The following VCAN variants were observed in gnomAD, a reference collection of about 807,000 sequenced individuals.
The protein encoded by VCAN is versican core protein.
A neutral mutation model predicts 245.5 loss-of-function variants in VCAN; 44 were observed. The observed-to-expected ratio is 0.18, with a 90% CI of 0.14 to 0.23. The LOEUF (loss-of-function observed/expected upper bound fraction) is 0.23, where lower values mean the gene tolerates loss of function less well. Among genes scored for constraint, VCAN ranks in the 10% least tolerant of loss-of-function variants. VCAN has a pLI of 1.00. For synonymous variants in VCAN, 1,413 were observed against 1,437.0 expected, an observed-to-expected ratio of 0.98 and a Z score of 0.38; for missense variants, 3,793 against 4,057.9, an observed-to-expected ratio of 0.93 and a Z score of 1.77.
chr5:83,541,532 C>T lies in VCAN; in HGVS notation c.8529C>T (p.Ile2843=). ...SGSEASGHTE[I]PQPSALPGID... ...GTGAAGCCTCTGGACACACAGAGAT[C>T]CCCCAGCCCAGTGCTCTGCCAGGAA... The change falls in exon 8 of 15, where the codon ATC becomes ATT. Residue 2843 remains isoleucine, a synonymous_variant. Coordinates refer to ENST00000265077, the MANE Select transcript of VCAN (RefSeq NM_004385.5). 6.2e-7 allele frequency: 1 copy of T among 1,613,928 alleles called. No individual in the cohort carries two copies. Among genetic ancestry groups the T allele is most frequent in the Admixed American group, 1.7e-5 (1 of 60,004 alleles).
rs756687724 is a variant in VCAN at position 83,537,040 on chromosome 5, C to T, written c.4037C>T (p.Pro1346Leu). The change falls in exon 8 of 15, where the codon CCA becomes CTA. Residue 1346 changes from proline to leucine, a missense_variant. Pro to Leu is a moderately conservative substitution (Grantham distance 98). Coordinates refer to ENST00000265077, the MANE Select transcript of VCAN (RefSeq NM_004385.5). The stretch of plus-strand genomic sequence containing the variant: ...AGTGATTTGAGTGTAATTGGTCATC[C>T]AATAGATTCAGAATCTAAAGAAGAT... ...RMSDLSVIGH[P>L]IDSESKEDEP... 5 of 1,607,692 alleles carry T rather than the reference C, an allele frequency of 3.1e-6. No homozygotes were observed. In the South Asian group the frequency reaches 4.5e-5, roughly 14 times the overall value.
chr5:83,579,580 T>C (rs1051182592), intron 13 of VCAN, among the ~76,000 whole-genome samples: 2 of 152,238 alleles, frequency 1.3e-5, no homozygotes, highest in South Asian at 4.2e-4. Context: ...TGTACGTTTT[T>C]ATAAGGAGGT....
chr5:83,553,311 C>G, intron 10 of VCAN, 53 bp from the exon 11 acceptor site: 1 of 1,611,242 alleles, frequency 6.2e-7, no homozygotes. Context: ...TTGGGGGTGC[C>G]AAGTTTGAAT....
At position 83,536,994 on chromosome 5, in the gene VCAN, C is replaced by A; in HGVS notation, c.4004-13C>A. On this transcript the variant is annotated splice_polypyrimidine_tract_variant and intron_variant, in intron 7 of 14. Transcript: ENST00000265077. The stretch of plus-strand genomic sequence containing the variant: ...TTTCTATTTAAGTATTGTGAAAACT[C>A]TGTTTTTTTCAGGTCGAATGAGTGA... 1 of 1,564,826 alleles carries A rather than the reference C, an allele frequency of 6.4e-7. No individual in the cohort carries two copies. The highest frequency in any genetic ancestry group is 1.2e-5 in the South Asian group (1 of 81,566).
chr5:83,512,008 A>G, intron 5 of VCAN, 95 bp from the exon 6 acceptor site: 10 of 1,524,688 alleles, frequency 6.6e-6, no homozygotes, highest in Non-Finnish European at 9.0e-6. Flanking sequence ...AAAAAGTATT[A>G]CATGCTCCTC....
chr5:83,500,539 T>C (rs1745300969), intron 5 of VCAN, among the ~76,000 whole-genome samples: 1 of 152,188 alleles, frequency 6.6e-6, no homozygotes, highest in Admixed American at 6.6e-5. Context: ...GTGGGAGTAT[T>C]ATTTAACTTA....
rs201997310 is a variant in VCAN, at chr5:83,553,359, C to T, written c.9494-5C>T. On this transcript the variant is annotated splice_region_variant and splice_polypyrimidine_tract_variant and intron_variant, in intron 10 of 14. Coordinates refer to ENST00000265077, the MANE Select transcript of VCAN (RefSeq NM_004385.5). ...TTTAATAAGCTCCTGCCTGTTTCTT[C>T]TCAGATACCGAGACATGTGACTATG... 1.4e-5 allele frequency: 23 copies of T among 1,613,996 alleles called. No individual in the cohort carries two copies. In the East Asian group the frequency reaches 5.1e-4, roughly 36 times the overall value.
intron 7 of VCAN, among the ~76,000 whole-genome samples, chr5:83,525,582 C>A (rs951727979): frequency 1.3e-5 from 2 of 152,106 alleles, no homozygotes; most frequent in African/African-American, 4.8e-5. Context: ...TTAAAATAGG[C>A]AGCTTATTAC....
intron 7 of VCAN, among the ~76,000 whole-genome samples, chr5:83,523,406 ATTT>A (rs5869183): frequency 9.8e-5 from 14 of 142,368 alleles, no homozygotes; most frequent in African/African-American, 2.1e-4. Context: ...AGGATAGAAG[ATTT>A]TTTTTTTTTT....
intron 8 of VCAN, among the ~76,000 whole-genome samples, chr5:83,543,469 A>G (rs1223780998): frequency 6.6e-6 from 1 of 152,208 alleles, no homozygotes; most frequent in Non-Finnish European, 1.5e-5. Context: ...TGTGCCACCA[A>G]TGCTTTATTT....
At position 83,545,545 on chromosome 5, in the gene VCAN, C is replaced by T. The variant is rs370120896; in HGVS notation, c.9274C>T (p.Arg3092Cys). 2.2e-5 allele frequency: 35 copies of T among 1,613,818 alleles called. No homozygotes were observed. Among genetic ancestry groups the T allele is most frequent in the Non-Finnish European group, 2.7e-5 (32 of 1,179,858 alleles). The change falls in exon 9 of 15, where the codon CGC (arginine) becomes TGC (cysteine). Residue 3092 changes from arginine (R) to cysteine (C), a missense_variant. Transcript: ENST00000265077. ...TTTCCTGAATATGGTAGGACCTGATCGCTGCAAAATGAACCCGTGCCTTAA... is the reference window on the plus strand; with the variant it reads ...TTTCCTGAATATGGTAGGACCTGATTGCTGCAAAATGAACCCGTGCCTTAA... Reference protein sequence around the residue: ...GTAIYLPGPDRCKMNPCLNGG... With the variant: ...GTAIYLPGPDCCKMNPCLNGG...
At position 83,580,494 on chromosome 5, in the gene VCAN, C is replaced by G. The variant is rs919975170; in HGVS notation, c.*60C>G. ...CAGCCAAAGTCCTAACTTCCTGTGC[C>G]TTTCCTATCACCTCGAGAAGTAATT... is the stretch of plus-strand genomic sequence containing the variant. On this transcript the variant is annotated 3_prime_UTR_variant, in exon 15 of 15. Transcript: ENST00000265077. 8.7e-6 allele frequency: 14 copies of G among 1,607,168 alleles called. No individual in the cohort carries two copies. The highest frequency in any genetic ancestry group is 8.5e-6 in the Non-Finnish European group (10 of 1,176,412).
intron 2 of VCAN, among the ~76,000 whole-genome samples, 187 bp from the exon 3 acceptor site, chr5:83,489,911 T>C (rs183670392): frequency 1.3e-5 from 2 of 152,242 alleles, no homozygotes; most frequent in African/African-American, 4.8e-5. Context: ...TGAGCATTAT[T>C]AATCCCTGTT....
rs1267516502 is a variant in VCAN at position 83,540,391 on chromosome 5, G to A, written c.7388G>A (p.Gly2463Glu). Residue 2463 changes from glycine to glutamate, a missense_variant, in exon 8 of 15, where the codon GGG becomes GAG. Physicochemically the swap from Gly to Glu is moderately conservative, Grantham distance 98. Transcript: ENST00000265077. Reference sequence around the variant, plus strand: ...AGCAGCACCACATTTGTTTCTGATGGGTCCCTGGAAAAACATCCTGAGGTG... The same window carrying A: ...AGCAGCACCACATTTGTTTCTGATGAGTCCCTGGAAAAACATCCTGAGGTG... ...QESSTTFVSD[G>E]SLEKHPEVPS... 4 of 1,613,874 alleles carry A rather than the reference G, an allele frequency of 2.5e-6. No homozygotes were observed. Among genetic ancestry groups the A allele is most frequent in the Admixed American group, 1.7e-5 (1 of 59,984 alleles).
intron 7 of VCAN, among the ~76,000 whole-genome samples, chr5:83,535,414 A>C (rs1331344127): frequency 6.6e-6 from 1 of 152,120 alleles, no homozygotes; most frequent in Non-Finnish European, 1.5e-5. Flanking sequence ...TCTTGTTTCT[A>C]TTAGAATAAA....
chr5:83,479,130 T>C (rs1051796424), intron 1 of VCAN, among the ~76,000 whole-genome samples: 2 of 152,176 alleles, frequency 1.3e-5, no homozygotes, highest in Non-Finnish European at 2.9e-5. Context: ...TGATTCTTTC[T>C]GTGAGAAAGA....
chr5:83,524,070 C>G (rs1746200959), intron 7 of VCAN, among the ~76,000 whole-genome samples: 2 of 152,036 alleles, frequency 1.3e-5, no homozygotes, highest in South Asian at 4.1e-4. Flanking sequence ...TAAAAATGTT[C>G]TGCATTTAAA....
chr5:83,573,842 C>G (rs551057662), intron 13 of VCAN, among the ~76,000 whole-genome samples: 1 of 152,260 alleles, frequency 6.6e-6, no homozygotes. Context: ...TGATGAAGAA[C>G]TGAGATGGGT....
rs916517771 is a variant in VCAN, at chr5:83,539,672, A to G, written c.6669A>G (p.Thr2223=). ...CTATACCAGCTGAACATGTAGTCAC[A>G]GATTCACCAATCAAAAAGGAAGAAA... The part of the protein sequence containing the change: ...TESIPAEHVV[T]DSPIKKEEST... Residue 2223 remains threonine, a synonymous_variant, in exon 8 of 15, where the codon ACA becomes ACG. Transcript: ENST00000265077. 7 of 1,613,888 alleles carry G rather than the reference A, an allele frequency of 4.3e-6. No homozygotes were observed. Among genetic ancestry groups the G allele is most frequent in the Non-Finnish European group, 5.9e-6 (7 of 1,179,990 alleles).
Sources: allele counts gnomAD v4.1 joint callset (sites outside exome capture counted in the v4.1 genomes callset), GRCh38; gene constraint gnomAD v4.1.1; transcripts MANE v1.5; gene names NCBI Gene and HGNC (gene_info 2026-07-23, HGNC 2026-07-21).